SCP2: variants seen among roughly 807,000 people sequenced by gnomAD.
The protein encoded by SCP2 is sterol carrier protein 2, also known as SCP-2/3-oxoacyl-CoA thiolase.
Under a neutral mutation model 71.4 loss-of-function variants are expected in SCP2, and 48 were observed. The ratio of observed to expected loss-of-function variants is 0.67; its 90% CI spans 0.53 to 0.86. The LOEUF (loss-of-function observed/expected upper bound fraction) is 0.86. Among genes scored for constraint, SCP2 ranks in the 40% least tolerant of loss-of-function variants. SCP2 has a pLI of 0.00. For synonymous variants in SCP2, 220 were observed against 218.1 expected (o/e 1.01, Z -0.08); for missense variants, 560 against 655.6 (o/e 0.85, Z 1.59).
chr1:52,995,781 C>T (rs1389265901), intron 11 of SCP2: 10 of 801,806 alleles, frequency 1.2e-5, no homozygotes, highest in African/African-American at 3.3e-5. Flanking sequence ...TTCAAGATGG[C>T]GGTCACCTTA....
At chr1:52,974,677 A>C (rs543525409) in intron 6 of SCP2, 92 bp from the exon 7 acceptor site, 4 of 780,814 alleles carry the variant, frequency 5.1e-6, no homozygotes, top group African/African-American at 1.7e-5. Flanking sequence ...AAATATGGAG[A>C]TATTTAGCAG....
chr1:53,049,288 G>A (rs181277170), intron 15 of SCP2: 1 of 152,270 alleles, frequency 6.6e-6, no homozygotes, highest in African/African-American at 2.4e-5. Context: ...TGGGGGCAAG[G>A]TGTCAGCTTA....
intron 13 of SCP2, among the ~76,000 whole-genome samples, chr1:53,032,994 G>C (rs1243673603): frequency 6.6e-6 from 1 of 152,236 alleles, no homozygotes; most frequent in African/African-American, 2.4e-5. Flanking sequence ...AATAATTTAA[G>C]TGAGCTCTTT....
At chr1:53,042,106 T>C (rs936705036) in intron 14 of SCP2, among the ~76,000 whole-genome samples, 1 of 152,168 alleles carries the variant, frequency 6.6e-6, no homozygotes, top group African/African-American at 2.4e-5. Flanking sequence ...TCCTGAATTA[T>C]ACAGAGTCCC....
At chr1:52,986,457 G>A (rs1234351078) in intron 10 of SCP2, among the ~76,000 whole-genome samples, 1 of 152,182 alleles carries the variant, frequency 6.6e-6, no homozygotes, top group Non-Finnish European at 1.5e-5. Flanking sequence ...GAATGCCTTA[G>A]CCAATGGTTT....
intron 10 of SCP2, among the ~76,000 whole-genome samples, 153 bp downstream of exon 10, chr1:52,980,696 C>T (rs189895707): frequency 4.6e-5 from 7 of 152,258 alleles, no homozygotes; most frequent in East Asian, 1.9e-4. Context: ...TGGTAGTGGA[C>T]GTTTTAGAAC....
Position 52,987,384 on chromosome 1 carries a change from C to G in SCP2, c.974-645C>G, listed in dbSNP as rs77548473. On this transcript the variant is annotated intron_variant, in intron 10 of 15. Transcript: ENST00000371514. ...TCATTACTATCATTATTTGGAGCGT[C>G]CACATCTTATTACTTTATCGTAAAT... Among the ~76,000 whole-genome samples, 951 of 152,240 alleles carry G rather than the reference C, an allele frequency of 6.2e-3. 15 individuals are homozygous for G. Among genetic ancestry groups the G allele is most frequent in the African/African-American group, 0.022 (914 of 41,536 alleles).
chr1:53,006,601 G>T (rs1054458557), intron 11 of SCP2, among the ~76,000 whole-genome samples: 7 of 152,106 alleles, frequency 4.6e-5, no homozygotes, highest in Non-Finnish European at 8.8e-5. Flanking sequence ...TCACCACCAG[G>T]CCTGCCTTAC....
chr1:52,985,700 C>G (rs1658927814), intron 10 of SCP2, among the ~76,000 whole-genome samples: 1 of 152,184 alleles, frequency 6.6e-6, no homozygotes, highest in African/African-American at 2.4e-5. Flanking sequence ...CTCTGCTTTT[C>G]TCTGAATCTT....
At chr1:52,955,984 A>C (rs1216244420) in intron 5 of SCP2, among the ~76,000 whole-genome samples, 1 of 151,954 alleles carries the variant, frequency 6.6e-6, no homozygotes, top group Non-Finnish European at 1.5e-5. Context: ...AAAAAAAAAA[A>C]CTAAACAGAA....
chr1:52,995,794 CG>C, intron 11 of SCP2: 1 of 841,970 alleles, frequency 1.2e-6, no homozygotes, highest in East Asian at 2.4e-5. Context: ...TCACCTTAAT[CG>C]GCAGCAGCAC....
At chr1:53,010,804 C>G (rs1660940221) in intron 11 of SCP2, among the ~76,000 whole-genome samples, 1 of 152,080 alleles carries the variant, frequency 6.6e-6, no homozygotes, top group Admixed American at 6.6e-5. Context: ...TTGTAGTATT[C>G]TCCCTGCCCT....
chr1:53,018,740 CAA>C (rs1184206730), intron 12 of SCP2, among the ~76,000 whole-genome samples: 14 of 114,224 alleles, frequency 1.2e-4, no homozygotes, highest in Admixed American at 1.8e-4. Context: ...GACTCTGTTT[CAA>C]AAAAAAAAAA....
At chr1:52,992,928 C>G (rs1406765586) in intron 11 of SCP2, among the ~76,000 whole-genome samples, 1 of 152,026 alleles carries the variant, frequency 6.6e-6, no homozygotes, top group Non-Finnish European at 1.5e-5. Flanking sequence ...AAAATGTAAG[C>G]ACTTAAAAAA....
Position 53,019,015 on chromosome 1 carries a change from T to G in SCP2, c.1235+3972T>G, listed in dbSNP as rs183341536. Among the ~76,000 whole-genome samples, 949 of 152,316 alleles carry G rather than the reference T, an allele frequency of 6.2e-3. 15 individuals carry two copies. The highest frequency in any genetic ancestry group is 0.022 in the African/African-American group (913 of 41,558). On this transcript the variant is annotated intron_variant, in intron 12 of 15. Coordinates refer to ENST00000371514, the MANE Select transcript of SCP2 (RefSeq NM_002979.5). ...AGTATATTCTTTAATAGTAGAATGCTTCTCAGTTTGCAATTGCCTAATGTT... is the reference window on the plus strand; with the variant it reads ...AGTATATTCTTTAATAGTAGAATGCGTCTCAGTTTGCAATTGCCTAATGTT...
Position 52,980,518 on chromosome 1 carries a change from T to A in SCP2, c.948T>A (p.Tyr316Ter), listed in dbSNP as rs1477657613. The A allele has an allele frequency of 6.2e-7, 1 of 1,614,008 alleles. No individual in the cohort carries two copies. Among genetic ancestry groups the A allele is most frequent in the Non-Finnish European group, 8.5e-7 (1 of 1,179,868 alleles). Reference sequence around the variant, plus strand: ...TTTCTACCAACGAACTCCTTACTTATGAAGCACTGGGACTCTGTCCAGAAG... The same window carrying A: ...TTTCTACCAACGAACTCCTTACTTAAGAAGCACTGGGACTCTGTCCAGAAG... ...DCFSTNELLT[Y>*]EALGLCPEGQ... The change falls in exon 10 of 16, where the codon TAT becomes TAA. Residue 316 changes from tyrosine to a stop codon, truncating the protein, a stop_gained. Coordinates refer to ENST00000371514, the MANE Select transcript of SCP2 (RefSeq NM_002979.5). LOFTEE classifies it high-confidence loss of function.
At chr1:53,041,166 G>A (rs2150267137) in intron 14 of SCP2, among the ~76,000 whole-genome samples, 2 of 152,264 alleles carry the variant, frequency 1.3e-5, no homozygotes, top group South Asian at 4.1e-4. Context: ...CACTTTGGGA[G>A]GCCGAGGCGG....
In SCP2 at chr1:52,950,796, G is replaced by C; in HGVS notation, c.241G>C (p.Gly81Arg). 1 of 1,613,558 alleles carries C rather than the reference G, an allele frequency of 6.2e-7. No homozygotes were observed. Among genetic ancestry groups the C allele is most frequent in the Non-Finnish European group, 8.5e-7 (1 of 1,179,606 alleles). Residue 81 changes from glycine (G) to arginine (R), a missense_variant, in exon 4 of 16, where the codon GGA (glycine) becomes CGA (arginine). Physicochemically the swap from Gly to Arg is moderately radical, Grantham distance 125. Coordinates refer to ENST00000371514, the MANE Select transcript of SCP2 (RefSeq NM_002979.5). ...GCAGAGGGCTATCTATCACAGTTTG[G>C]GAATGACTGGAATTCCTATAATCAA... Reference protein sequence around the residue: ...CGQRAIYHSLGMTGIPIINVN... With the variant: ...CGQRAIYHSLRMTGIPIINVN...
chr1:52,963,161 T>G (rs1173600736), intron 6 of SCP2, among the ~76,000 whole-genome samples: 2 of 152,176 alleles, frequency 1.3e-5, no homozygotes, highest in African/African-American at 2.4e-5. Context: ...CCTCCTGTTA[T>G]CCTCTTTCTT....
Sources: allele counts gnomAD v4.1 joint callset (sites outside exome capture counted in the v4.1 genomes callset), GRCh38; gene constraint gnomAD v4.1.1; transcripts MANE v1.5; gene names NCBI Gene and HGNC (gene_info 2026-07-23, HGNC 2026-07-21).